The following ADCY2 variants were observed in gnomAD, a reference collection of about 807,000 sequenced individuals.
The protein encoded by ADCY2 is adenylate cyclase type 2.
Under a neutral mutation model 125.2 loss-of-function variants are expected in ADCY2, and 31 were observed. The ratio of observed to expected loss-of-function variants is 0.25; its 90% CI spans 0.19 to 0.33. ADCY2 has a LOEUF of 0.33. ADCY2 is among the 10% of genes least tolerant of loss of function. The pLI is 1.00. For missense variants in ADCY2, 904 were observed against 1,418.2 expected (o/e 0.64, Z 5.82); for synonymous variants, 512 against 548.4 (o/e 0.93, Z 0.93).
intron 14 of ADCY2, among the ~76,000 whole-genome samples, chr5:7,737,668 A>C (rs557072473): frequency 3.9e-5 from 6 of 152,296 alleles, no homozygotes; most frequent in African/African-American, 1.2e-4. Context: ...TAAATTTGTT[A>C]AAATCCATCA....
chr5:7,753,573 A>G (rs1742895110), intron 15 of ADCY2, among the ~76,000 whole-genome samples: 1 of 152,218 alleles, frequency 6.6e-6, no homozygotes, highest in African/African-American at 2.4e-5. Context: ...ACATTTTTCC[A>G]CCAGAGCCTT....
At chr5:7,501,247 G>T (rs915236857) in intron 2 of ADCY2, among the ~76,000 whole-genome samples, 2 of 152,084 alleles carry the variant, frequency 1.3e-5, no homozygotes, top group African/African-American at 4.8e-5. Context: ...GAAGCAAGAG[G>T]AATACAGAAG....
At chr5:7,622,418 G>A (rs1276292052) in intron 3 of ADCY2, among the ~76,000 whole-genome samples, 1 of 152,152 alleles carries the variant, frequency 6.6e-6, no homozygotes, top group Non-Finnish European at 1.5e-5. Context: ...CATCAGAAAA[G>A]ACATATCATA....
chr5:7,821,508 T>A (rs143887285), intron 24 of ADCY2, among the ~76,000 whole-genome samples: 30 of 152,304 alleles, frequency 2.0e-4, no homozygotes, highest in African/African-American at 7.0e-4. Context: ...AAGCCTGTTC[T>A]TCAATAATTC....
chr5:7,646,017 GATTCAGAAA>G (rs1223435313), intron 4 of ADCY2, among the ~76,000 whole-genome samples: 1 of 152,120 alleles, frequency 6.6e-6, no homozygotes, highest in East Asian at 1.9e-4. Context: ...GGCAAATGTG[GATTCAGAAA>G]ATGCAACTTC....
chr5:7,690,727 G>A lies in ADCY2; in HGVS notation c.757G>A (p.Ala253Thr). Residue 253 changes from alanine to threonine, a missense_variant, in exon 5 of 25, where the codon GCC becomes ACC. Transcript: ENST00000338316. ...GCTCTCCCTGCTGCCGGCCCACATC[G>A]CCATGGAGATGAAAGCGGAGATCAT... ...LLLSLLPAHI[A>T]MEMKAEIIQR... The A allele has an allele frequency of 6.2e-7, 1 of 1,606,308 alleles. No individual in the cohort carries two copies. Among genetic ancestry groups the A allele is most frequent in the East Asian group, 2.3e-5 (1 of 44,286 alleles).
At chr5:7,676,782 C>T (rs1367525846) in intron 4 of ADCY2, among the ~76,000 whole-genome samples, 1 of 152,202 alleles carries the variant, frequency 6.6e-6, no homozygotes, top group Non-Finnish European at 1.5e-5. Flanking sequence ...TGTGGAGTTT[C>T]AGTCCAGCCT....
intron 11 of ADCY2, 143 bp from the exon 12 acceptor site, chr5:7,717,014 C>T: frequency 1.8e-6 from 1 of 568,160 alleles, no homozygotes; most frequent in African/African-American, 1.9e-5. Context: ...CCCTAAATAC[C>T]CCGATTGATC....
chr5:7,765,831 G>T (rs1743358377), intron 16 of ADCY2, among the ~76,000 whole-genome samples: 1 of 152,144 alleles, frequency 6.6e-6, no homozygotes, highest in African/African-American at 2.4e-5. Context: ...TGAGTCTCTG[G>T]TTTGTTTCCA....
chr5:7,513,162 G>A (rs557319526), intron 2 of ADCY2, among the ~76,000 whole-genome samples: 1 of 152,158 alleles, frequency 6.6e-6, no homozygotes, highest in East Asian at 1.9e-4. Flanking sequence ...TCTGGGGAGA[G>A]AGGAGAAGAG....
At chr5:7,715,115 C>T (rs1319406785) in intron 11 of ADCY2, among the ~76,000 whole-genome samples, 1 of 152,152 alleles carries the variant, frequency 6.6e-6, no homozygotes, top group African/African-American at 2.4e-5. Flanking sequence ...CCCCAGGGGA[C>T]CTTATCCTCT....
chr5:7,668,656 A>G (rs1739835578), intron 4 of ADCY2, among the ~76,000 whole-genome samples: 1 of 152,206 alleles, frequency 6.6e-6, no homozygotes, highest in Admixed American at 6.5e-5. Context: ...ATTGATATGA[A>G]CAGAAAGGGT....
At chr5:7,804,188 A>G (rs1212911797) in intron 21 of ADCY2, among the ~76,000 whole-genome samples, 1 of 152,124 alleles carries the variant, frequency 6.6e-6, no homozygotes, top group Non-Finnish European at 1.5e-5. Flanking sequence ...CAGCACTAAT[A>G]ATTGATCATA....
At chr5:7,462,736 G>A (rs188111092) in intron 2 of ADCY2, among the ~76,000 whole-genome samples, 17 of 152,346 alleles carry the variant, frequency 1.1e-4, no homozygotes, top group African/African-American at 4.1e-4. Flanking sequence ...AGTGTCAGGT[G>A]CTCATTCGTG....
At position 7,577,520 on chromosome 5, in the gene ADCY2, G is replaced by A. The variant is rs145067696; in HGVS notation, c.571-48647G>A. Among the ~76,000 whole-genome samples the A allele has an allele frequency of 7.0e-4, 107 of 152,270 alleles. No homozygotes were observed. In the East Asian group the frequency reaches 0.02, roughly 28 times the overall value. ...ACCTAAGGAATAAAGTAAGTTGATA[G>A]TGAATTTGGCACTGGGGGTGGAGCC... On this transcript the variant is annotated intron_variant, in intron 3 of 24. Coordinates refer to ENST00000338316, the MANE Select transcript of ADCY2 (RefSeq NM_020546.3).
chr5:7,446,742 T>A (rs192163456), intron 2 of ADCY2, among the ~76,000 whole-genome samples: 1 of 152,218 alleles, frequency 6.6e-6, no homozygotes, highest in Non-Finnish European at 1.5e-5. Context: ...CATACCCACG[T>A]GTGTGCACAG....
chr5:7,405,034 T>C (rs1739422271), intron 1 of ADCY2, among the ~76,000 whole-genome samples: 1 of 152,228 alleles, frequency 6.6e-6, no homozygotes, highest in Admixed American at 6.5e-5. Flanking sequence ...ACCCTGTCTC[T>C]CAAGTCAGGG....
chr5:7,662,293 C>T (rs1739559798), intron 4 of ADCY2, among the ~76,000 whole-genome samples: 1 of 152,238 alleles, frequency 6.6e-6, no homozygotes, highest in Admixed American at 6.5e-5. Flanking sequence ...TAGCATCCAT[C>T]AGTGTTCTGG....
intron 15 of ADCY2, among the ~76,000 whole-genome samples, chr5:7,756,167 A>G (rs1742985957): frequency 6.6e-6 from 1 of 152,260 alleles, no homozygotes; most frequent in Non-Finnish European, 1.5e-5. Context: ...CCCACGCAGC[A>G]TCTGCATAGG....
Sources: allele counts gnomAD v4.1 joint callset (sites outside exome capture counted in the v4.1 genomes callset), GRCh38; gene constraint gnomAD v4.1.1; transcripts MANE v1.5; gene names NCBI Gene and HGNC (gene_info 2026-07-23, HGNC 2026-07-21).